Variants in AKAP7 observed in about 807,000 individuals in gnomAD.
The protein encoded by AKAP7 is A-kinase anchoring protein 7.
Under a neutral mutation model 39.5 loss-of-function variants are expected in AKAP7, and 39 were observed. The observed-to-expected ratio is 0.99, with a 90% CI of 0.76 to 1.29. The LOEUF (loss-of-function observed/expected upper bound fraction) is 1.29. AKAP7 is among the 50% of genes most tolerant of loss of function. The pLI, the probability that AKAP7 is intolerant of heterozygous loss-of-function variation, is 0.00. For synonymous variants in AKAP7, 140 were observed against 139.1 expected, an observed-to-expected ratio of 1.01 and a Z score of -0.05; for missense variants, 414 against 407.7, an observed-to-expected ratio of 1.02 and a Z score of -0.13.
intron 7 of AKAP7, among the ~76,000 whole-genome samples, chr6:131,278,532 G>T (rs1434828642): frequency 2.6e-5 from 4 of 152,192 alleles, no homozygotes; most frequent in Admixed American, 6.5e-5. Flanking sequence ...AAGAAAAGAG[G>T]TTTAGTTGGC....
At chr6:131,263,142 G>A (rs1329242895) in intron 7 of AKAP7, among the ~76,000 whole-genome samples, 4 of 152,190 alleles carry the variant, frequency 2.6e-5, no homozygotes, top group African/African-American at 7.2e-5. Context: ...AGGCAAATCT[G>A]TTCTAGTTTT....
At chr6:131,261,784 T>TG (rs896717848) in intron 7 of AKAP7, among the ~76,000 whole-genome samples, 13 of 152,098 alleles carry the variant, frequency 8.5e-5, no homozygotes, top group African/African-American at 2.7e-4. Context: ...TAAAACATTG[T>TG]GGGGGGGAAA....
At chr6:131,176,379 A>T (rs1288975646) in intron 5 of AKAP7, among the ~76,000 whole-genome samples, 2 of 152,012 alleles carry the variant, frequency 1.3e-5, no homozygotes, top group Non-Finnish European at 1.5e-5. Context: ...TTGCATTTAT[A>T]TGGCATGTTC....
At chr6:131,256,560 T>TTGACTG (rs1812869138) in intron 7 of AKAP7, among the ~76,000 whole-genome samples, 1 of 152,118 alleles carries the variant, frequency 6.6e-6, no homozygotes, top group South Asian at 2.1e-4. Flanking sequence ...ATGAGCTGTA[T>TTGACTG]CCAAAAGCCC....
At chr6:131,250,460 G>T in intron 7 of AKAP7, 1 of 1,578,564 alleles carries the variant, frequency 6.3e-7, no homozygotes, top group Non-Finnish European at 8.6e-7. Context: ...GTGCTGCTCC[G>T]TGGAGTGAAA....
At chr6:131,252,997 G>A (rs758064513) in intron 7 of AKAP7, 3 of 1,606,118 alleles carry the variant, frequency 1.9e-6, no homozygotes, top group Non-Finnish European at 2.6e-6. Flanking sequence ...TGAGTTTTTG[G>A]TGAAAGTTTA....
chr6:131,154,090 T>C (rs623815), intron 2 of AKAP7, among the ~76,000 whole-genome samples: 109,764 of 151,966 alleles, frequency 0.72, 41,434 homozygotes, highest in African/African-American at 0.91. Flanking sequence ...CACCTGTAAT[T>C]CCAGTTACTC....
At chr6:131,131,467 C>CT (rs3031855), upstream of AKAP7, among the ~76,000 whole-genome samples, 8,222 of 138,160 alleles carry the variant, frequency 0.06, 320 homozygotes, top group African/African-American at 0.11. Context: ...CTCTTTCTTT[C>CT]TTTTTTTTTT....
intron 2 of AKAP7, among the ~76,000 whole-genome samples, chr6:131,155,636 A>G (rs945088737): frequency 3.3e-5 from 5 of 152,246 alleles, no homozygotes; most frequent in African/African-American, 7.2e-5. Context: ...ATAAGGAAAG[A>G]TGGAATAAAT....
intron 7 of AKAP7, among the ~76,000 whole-genome samples, chr6:131,234,027 T>C (rs1170092492): frequency 1.3e-5 from 2 of 152,178 alleles, no homozygotes; most frequent in Non-Finnish European, 2.9e-5. Flanking sequence ...AGTAAATAGG[T>C]CTTGGTTGTC....
intron 7 of AKAP7, among the ~76,000 whole-genome samples, chr6:131,247,849 C>T (rs967793878): frequency 3.9e-5 from 6 of 152,104 alleles, no homozygotes; most frequent in African/African-American, 1.4e-4. Context: ...AGGCTGGTCT[C>T]GCAGTCTTGG....
intron 5 of AKAP7, among the ~76,000 whole-genome samples, chr6:131,179,102 C>T (rs369264032): frequency 6.6e-5 from 10 of 152,168 alleles, no homozygotes; most frequent in African/African-American, 2.4e-4. Context: ...AGCTCTCTAT[C>T]ACTGTACCCA....
chr6:131,248,239 A>T (rs1459371829), intron 7 of AKAP7, among the ~76,000 whole-genome samples: 1 of 152,192 alleles, frequency 6.6e-6, no homozygotes, highest in East Asian at 1.9e-4. Flanking sequence ...AATGCAAATT[A>T]AAAGCTTTAT....
At chr6:131,250,253 G>A in intron 7 of AKAP7, 1 of 1,114,234 alleles carries the variant, frequency 9.0e-7, no homozygotes, top group Non-Finnish European at 1.1e-6. Context: ...CAGAACACAT[G>A]GCACTGACCT....
At chr6:131,160,017 G>A (rs772886201) in intron 2 of AKAP7, 42 bp from the exon 3 acceptor site, 2 of 1,471,550 alleles carry the variant, frequency 1.4e-6, no homozygotes, top group Non-Finnish European at 1.8e-6. Flanking sequence ...TATTATCTTT[G>A]TTTAAATGTA....
chr6:131,281,652 C>T lies in AKAP7; in HGVS notation c.973C>T (p.Pro325Ser), dbSNP rs369631979. Residue 325 changes from proline (P) to serine (S), a missense_variant, in exon 8 of 8, where the codon CCG becomes TCG. Physicochemically the swap from Pro to Ser is moderately conservative, Grantham distance 74. Transcript: ENST00000431975. The surrounding 1 kb of genome is among the most constrained non-coding windows in gnomAD (Gnocchi z 4.0). ...YLEETQNKNKPGEGSSVKTEA... is the reference protein window; with the variant it reads ...YLEETQNKNKSGEGSSVKTEA... ...GGAGGAAACACAGAATAAAAACAAG[C>T]CGGGGGAGGGGAGCTCTGTGAAAAC... 2 of 1,613,342 alleles carry T rather than the reference C, an allele frequency of 1.2e-6. No individual in the cohort carries two copies. Among genetic ancestry groups the T allele is most frequent in the Non-Finnish European group, 1.7e-6 (2 of 1,179,700 alleles).
At chr6:131,262,632 G>A (rs1370327799) in intron 7 of AKAP7, among the ~76,000 whole-genome samples, 1 of 150,844 alleles carries the variant, frequency 6.6e-6, no homozygotes, top group African/African-American at 2.5e-5. Flanking sequence ...TATATATATT[G>A]CAATAATTCA....
At chr6:131,260,035 T>G (rs533954816) in intron 7 of AKAP7, among the ~76,000 whole-genome samples, 2 of 152,208 alleles carry the variant, frequency 1.3e-5, no homozygotes, top group Admixed American at 1.3e-4. Context: ...TACTTGTAAG[T>G]GAGAACATGT....
chr6:131,265,124 T>A (rs1007786220), intron 7 of AKAP7, among the ~76,000 whole-genome samples: 2 of 152,166 alleles, frequency 1.3e-5, no homozygotes, highest in African/African-American at 4.8e-5. Context: ...TGATGCTAAG[T>A]GCTTTGTATT....
Sources: allele counts gnomAD v4.1 joint callset (sites outside exome capture counted in the v4.1 genomes callset), GRCh38; gene constraint gnomAD v4.1.1; non-coding constraint Gnocchi (gnomAD v3.1); transcripts MANE v1.5; gene names NCBI Gene and HGNC (gene_info 2026-07-23, HGNC 2026-07-21).